The following VPS28 variants were observed in gnomAD, a reference collection of about 807,000 sequenced individuals.
VPS28 encodes VPS28 subunit of ESCRT-I.
Under a neutral mutation model 33.7 loss-of-function variants are expected in VPS28, and 29 were observed. The ratio of observed to expected loss-of-function variants is 0.86; its 90% CI spans 0.64 to 1.17. The LOEUF (loss-of-function observed/expected upper bound fraction) is 1.17, where lower values mean the gene tolerates loss of function less well. Among genes scored for constraint, VPS28 ranks in the 50% most tolerant of loss-of-function variants. The pLI is 0.00. For synonymous variants in VPS28, 164 were observed against 116.7 expected, an observed-to-expected ratio of 1.40 and a Z score of -2.61; for missense variants, 247 against 312.2, an observed-to-expected ratio of 0.79 and a Z score of 1.57.
chr8:144,427,723 T>C (rs914595637), intron 1 of VPS28, among the ~76,000 whole-genome samples: 1 of 151,992 alleles, frequency 6.6e-6, no homozygotes, highest in South Asian at 2.1e-4. Context: ...GGAGAAACAA[T>C]GGGAGCGGGG....
At chr8:144,426,818 T>A in intron 2 of VPS28, 91 bp downstream of exon 2, 1 of 1,460,680 alleles carries the variant, frequency 6.8e-7, no homozygotes, top group Non-Finnish European at 9.4e-7. Context: ...CAGGGTCAGA[T>A]ACCTCCCCAC....
At chr8:144,425,527 G>C (rs1226857888) in intron 5 of VPS28, 156 bp downstream of exon 5, 14 of 723,366 alleles carry the variant, frequency 1.9e-5, no homozygotes, top group Non-Finnish European at 2.7e-5. Flanking sequence ...CAGCCCCCAG[G>C]ACTTCCCTGG....
rs1554875783 is a variant in VPS28, at chr8:144,423,810, C to T, written c.661G>A (p.Ala221Thr). The change falls in exon 10 of 10, where the codon GCC (alanine) becomes ACC (threonine). Residue 221 changes from alanine to threonine, a missense_variant. Coordinates refer to ENST00000292510, the MANE Select transcript of VPS28 (RefSeq NM_016208.4). ...AYNAFNRFLH[A>T] ...CAAGGGCTAGTGCCCCGGGCTCAGG[C>T]ATGCAGGAAGCGGTTGAAGGCGTTG... 2 of 1,613,138 alleles carry T rather than the reference C, an allele frequency of 1.2e-6. No homozygotes were observed. Among genetic ancestry groups the T allele is most frequent in the Non-Finnish European group, 8.5e-7 (1 of 1,180,040 alleles).
rs782605050 is a variant in VPS28, at chr8:144,426,228, G to A, written c.38-20C>T. 16 of 1,588,156 alleles carry A rather than the reference G, an allele frequency of 1.0e-5. No homozygotes were observed. In the Admixed American group the frequency reaches 2.8e-4, roughly 28 times the overall value. On this transcript the variant is annotated intron_variant, in intron 2 of 9. Transcript: ENST00000292510. ...CAGGGGCTGCAAGAGAAGGCAGAGA[G>A]CTGGCAGGCTGGCCCCAAAGGGAAC... is the stretch of plus-strand genomic sequence containing the variant.
At chr8:144,423,945 G>C (rs782101989) in intron 9 of VPS28, 23 bp from the exon 10 acceptor site, 5 of 1,612,892 alleles carry the variant, frequency 3.1e-6, no homozygotes, top group South Asian at 1.1e-5. Flanking sequence ...CACAGGGCAT[G>C]TGGGGGCTGA....
chr8:144,427,267 C>G, intron 1 of VPS28: 1 of 220,188 alleles, frequency 4.5e-6, no homozygotes, highest in Non-Finnish European at 9.2e-6. Context: ...CCACTGCACT[C>G]CAGCCTGGGA....
intron 2 of VPS28, 68 bp from the exon 3 acceptor site, chr8:144,426,276 G>A: frequency 6.7e-7 from 1 of 1,496,260 alleles, no homozygotes; most frequent in Non-Finnish European, 8.9e-7. Context: ...TCCAGTCCCA[G>A]TCTCCATTTC....
chr8:144,427,954 G>A (rs542237253), intron 1 of VPS28, among the ~76,000 whole-genome samples: 2 of 152,332 alleles, frequency 1.3e-5, no homozygotes, highest in East Asian at 1.9e-4. Context: ...GGAAGCTCTC[G>A]GTGGAGAGGC....
At chr8:144,428,238 C>G (rs1380049153) in intron 1 of VPS28, among the ~76,000 whole-genome samples, 2 of 152,240 alleles carry the variant, frequency 1.3e-5, no homozygotes, top group Admixed American at 1.3e-4. Flanking sequence ...GAGCCAACCG[C>G]CCCAACCACG....
At chr8:144,427,094 GTT>G (rs1249665920) in intron 1 of VPS28, 115 bp from the exon 2 acceptor site, 2 of 670,538 alleles carry the variant, frequency 3.0e-6, no homozygotes, top group Non-Finnish European at 4.9e-6. Context: ...GAGGTCAGGA[GTT>G]TGAGACCAGC....
In VPS28 at chr8:144,424,200, G is replaced by T; in HGVS notation, c.456+15C>A. On this transcript the variant is annotated intron_variant, in intron 8 of 9. Transcript: ENST00000292510. ...CCCCTCCTGCCTAGGCCCCCTGCCAGCCCAATACCCGCACCTCATCCATGG... is the reference window on the plus strand; with the variant it reads ...CCCCTCCTGCCTAGGCCCCCTGCCATCCCAATACCCGCACCTCATCCATGG... 1 of 1,588,238 alleles carries T rather than the reference G, an allele frequency of 6.3e-7. No homozygotes were observed.
Position 144,426,302 on chromosome 8 carries a change from C to T in VPS28, c.38-94G>A, listed in dbSNP as rs577478990. 58 of 1,436,314 alleles carry T rather than the reference C, an allele frequency of 4.0e-5. No homozygotes were observed. In the East Asian group the frequency reaches 1.0e-3, roughly 25 times the overall value. 89.0% of individuals were successfully genotyped at this position (1,436,314 alleles called of 1,614,324 possible). A position where few individuals can be genotyped will look rare whatever the true frequency, so the allele number is the denominator to read the frequency against. On this transcript the variant is annotated intron_variant, in intron 2 of 9. Coordinates refer to ENST00000292510, the MANE Select transcript of VPS28 (RefSeq NM_016208.4). The stretch of plus-strand genomic sequence containing the variant: ...TCTCCATTTCAGTTCCTCCCTGAGG[C>T]CTCCCAGGCTGGGTCCCAAAGAGCC...
chr8:144,425,361 G>C, intron 5 of VPS28: 1 of 555,202 alleles, frequency 1.8e-6, no homozygotes, highest in Non-Finnish European at 3.2e-6. Flanking sequence ...GGCCTGTGAC[G>C]GTCTTGTCAC....
chr8:144,425,481 C>T, intron 5 of VPS28: 1 of 603,590 alleles, frequency 1.7e-6, no homozygotes, highest in Non-Finnish European at 2.9e-6. Flanking sequence ...GGCCGGATGA[C>T]ACCCCAGGAG....
At chr8:144,424,156 AC>A in intron 8 of VPS28, 24 bp from the exon 9 acceptor site, 1 of 1,551,832 alleles carries the variant, frequency 6.4e-7, no homozygotes, top group South Asian at 1.2e-5. Flanking sequence ...AGCGGCTGGG[AC>A]CCCGACGCCG....
At chr8:144,424,351 C>T in intron 7 of VPS28, 83 bp from the exon 8 acceptor site, 6 of 1,498,464 alleles carry the variant, frequency 4.0e-6, no homozygotes, top group Non-Finnish European at 5.4e-6. Context: ...CCCTCCTCAG[C>T]CACAGCTGTC....
At position 144,425,781 on chromosome 8, in the gene VPS28, A is replaced by G; in HGVS notation, c.105-9T>C. 1 of 1,613,740 alleles carries G rather than the reference A, an allele frequency of 6.2e-7. No individual in the cohort carries two copies. Among genetic ancestry groups the G allele is most frequent in the Non-Finnish European group, 8.5e-7 (1 of 1,179,876 alleles). On this transcript the variant is annotated splice_polypyrimidine_tract_variant and intron_variant, in intron 4 of 9. Coordinates refer to ENST00000292510, the MANE Select transcript of VPS28 (RefSeq NM_016208.4). ...CTGCCATGTTGTCGTACCTGAGGAC[A>G]CACCTGTCTATCGGGCCAGGCCCCG...
intron 3 of VPS28, 39 bp downstream of exon 3, chr8:144,426,141 T>C: frequency 2.5e-6 from 4 of 1,594,006 alleles, no homozygotes; most frequent in Non-Finnish European, 3.4e-6. Context: ...AGGCATTTGC[T>C]GTTGGCCAAT....
intron 2 of VPS28, chr8:144,426,455 C>G (rs998864190): frequency 7.9e-6 from 4 of 504,498 alleles, no homozygotes; most frequent in Non-Finnish European, 1.4e-5. Context: ...CTGCGGCTCC[C>G]CGGGGGACCG....
Sources: allele counts gnomAD v4.1 joint callset (sites outside exome capture counted in the v4.1 genomes callset), GRCh38; gene constraint gnomAD v4.1.1; transcripts MANE v1.5; gene names NCBI Gene and HGNC (gene_info 2026-07-23, HGNC 2026-07-21).